The following ZNF787 variants were observed in gnomAD, a reference collection of about 807,000 sequenced individuals.
The protein encoded by ZNF787 is TTF-I-interacting peptide 20.
ZNF787 carries 7 observed loss-of-function variants against 16.9 expected under a neutral mutation model. That is an observed-to-expected ratio of 0.42 (90% CI 0.24 to 0.78). ZNF787 has a LOEUF of 0.78. Among genes scored for constraint, ZNF787 ranks in the 30% least tolerant of loss-of-function variants. The probability of loss-of-function intolerance (pLI) is 0.30; values close to 1 mark genes in which losing one functional copy is unlikely to be tolerated. For synonymous variants in ZNF787, 345 were observed against 270.9 expected, an observed-to-expected ratio of 1.27 and a Z score of -2.69; for missense variants, 551 against 589.3, an observed-to-expected ratio of 0.94 and a Z score of 0.67.
chr19:56,098,033 C>A (rs1485330894), intron 2 of ZNF787, among the ~76,000 whole-genome samples: 1 of 152,110 alleles, frequency 6.6e-6, no homozygotes, highest in Non-Finnish European at 1.5e-5. Context: ...GAGGCCCCAC[C>A]CCCGACCCAG....
intron 1 of ZNF787, among the ~76,000 whole-genome samples, chr19:56,103,787 C>T (rs1986197233): frequency 6.6e-6 from 1 of 150,848 alleles, no homozygotes; most frequent in Non-Finnish European, 1.5e-5. Context: ...CCGTGCCACG[C>T]ACCAGGAGGG....
rs893514983 is a variant in ZNF787 at position 56,113,684 on chromosome 19, G to A, written c.-11+7488C>T. The stretch of plus-strand genomic sequence containing the variant: ...AGCAGATCAGCACTTCCCAGGAACC[G>A]GGACGCAGGGAGGCAGGGAGGCAGG... On this transcript the variant is annotated intron_variant, in intron 1 of 2. Transcript: ENST00000610935. Among the ~76,000 whole-genome samples the A allele has an allele frequency of 3.1e-4, 8 of 26,014 alleles. No individual in the cohort carries two copies. In the Non-Finnish European group the frequency reaches 4.4e-3, roughly 14 times the overall value. 17.1% of individuals were successfully genotyped at this position (26,014 alleles called of 152,430 possible).
At chr19:56,103,579 G>A in intron 1 of ZNF787, 1 of 294,612 alleles carries the variant, frequency 3.4e-6, no homozygotes, top group Middle Eastern at 9.7e-4. Context: ...GCAAGATGGA[G>A]AACATGTTAC....
chr19:56,098,452 G>A (rs922124952), intron 2 of ZNF787, among the ~76,000 whole-genome samples: 4 of 150,804 alleles, frequency 2.7e-5, no homozygotes, highest in African/African-American at 7.3e-5. Flanking sequence ...AGGGTGATAC[G>A]GCCGCAGGGT....
At chr19:56,114,958 T>G (rs1043701621) in intron 1 of ZNF787, among the ~76,000 whole-genome samples, 1 of 151,846 alleles carries the variant, frequency 6.6e-6, no homozygotes, top group Non-Finnish European at 1.5e-5. Context: ...CTGTGGCCAC[T>G]TCGCTCCCTC....
chr19:56,115,176 A>G (rs2030094631), intron 1 of ZNF787, among the ~76,000 whole-genome samples: 1 of 151,858 alleles, frequency 6.6e-6, no homozygotes, highest in Admixed American at 6.6e-5. Context: ...TTCATTCTAC[A>G]GTGACTGGTC....
Position 56,087,545 on chromosome 19 carries a change from G to A in ZNF787, c.*478C>T, listed in dbSNP as rs1201270867. ...AGGCAGAAAAAAATAATGGATTGGG[G>A]CGGGCGGGGAGTCAAAAGGTGGGCT... On this transcript the variant is annotated 3_prime_UTR_variant, in exon 3 of 3. Transcript: ENST00000610935. 1 of 152,398 alleles carries A rather than the reference G, an allele frequency of 6.6e-6. No homozygotes were observed. The highest frequency in any genetic ancestry group is 1.5e-5 in the Non-Finnish European group (1 of 68,302). 9.4% of individuals were successfully genotyped at this position (152,398 alleles called of 1,614,324 possible).
intron 1 of ZNF787, among the ~76,000 whole-genome samples, chr19:56,106,398 G>A (rs1332511066): frequency 1.3e-5 from 2 of 152,218 alleles, no homozygotes; most frequent in Non-Finnish European, 2.9e-5. Context: ...CTTCAACGCC[G>A]CGTCCATCCA....
intron 1 of ZNF787, among the ~76,000 whole-genome samples, chr19:56,116,982 G>T (rs1002372864): frequency 6.6e-6 from 1 of 152,172 alleles, no homozygotes; most frequent in Non-Finnish European, 1.5e-5. Flanking sequence ...ACAATCAGTG[G>T]GAGACAGTGC....
intron 1 of ZNF787, among the ~76,000 whole-genome samples, chr19:56,105,951 C>T (rs868518034): frequency 1.6e-5 from 2 of 121,566 alleles, no homozygotes; most frequent in East Asian, 2.9e-4. Flanking sequence ...CGCGCATTCC[C>T]CCCTCCGCGC....
At chr19:56,099,660 G>A (rs1452493427) in intron 2 of ZNF787, among the ~76,000 whole-genome samples, 6 of 143,900 alleles carry the variant, frequency 4.2e-5, no homozygotes, top group East Asian at 4.0e-4. Context: ...GCAGTGAGCC[G>A]AGATCGTACC....
intron 2 of ZNF787, 47 bp downstream of exon 2, chr19:56,103,092 C>T (rs373957550): frequency 2.4e-5 from 39 of 1,596,412 alleles, no homozygotes; most frequent in Non-Finnish European, 3.3e-5. Flanking sequence ...AAGCCAGGGT[C>T]AGGTGGGAGG....
chr19:56,117,215 G>A (rs1476758208), intron 1 of ZNF787, among the ~76,000 whole-genome samples: 1 of 152,238 alleles, frequency 6.6e-6, no homozygotes, highest in East Asian at 1.9e-4. Context: ...CAAGGAAACT[G>A]AGGCTTCCAC....
intron 1 of ZNF787, among the ~76,000 whole-genome samples, chr19:56,104,928 A>G (rs1263301374): frequency 6.6e-6 from 1 of 152,210 alleles, no homozygotes; most frequent in Non-Finnish European, 1.5e-5. Context: ...CTGGAGTTCG[A>G]GACCAGCCTG....
intron 2 of ZNF787, among the ~76,000 whole-genome samples, chr19:56,090,153 C>T (rs1430262031): frequency 6.6e-6 from 1 of 152,182 alleles, no homozygotes; most frequent in Admixed American, 6.5e-5. Flanking sequence ...CACGGTGGTG[C>T]CCAGCACACA....
At position 56,088,003 on chromosome 19, in the gene ZNF787, CCCCCCCCCGGG is replaced by C; in HGVS notation, c.*9_*19del. 1 of 988,976 alleles carries C rather than the reference CCCCCCCCCGGG, an allele frequency of 1.0e-6. No homozygotes were observed. The highest frequency in any genetic ancestry group is 1.2e-6 in the Non-Finnish European group (1 of 830,414). 61.3% of individuals were successfully genotyped at this position (988,976 alleles called of 1,614,324 possible). A position where few individuals can be genotyped will look rare whatever the true frequency, so the allele number is the denominator to read the frequency against. On this transcript the variant is annotated 3_prime_UTR_variant, in exon 3 of 3. Transcript: ENST00000610935. This position sits in a 1 kb window ranked among gnomAD's most constrained non-coding sequence, Gnocchi z 8.6. ...CCAAGCCCGAGGGGCCCTGCCCGCC[CCCCCCCCCGGG>C]CCCCTCCCCTACCGGCCCTCCCCAC...
intron 1 of ZNF787, among the ~76,000 whole-genome samples, chr19:56,111,696 T>C (rs978990978): frequency 1.3e-5 from 2 of 151,876 alleles, no homozygotes; most frequent in Non-Finnish European, 2.9e-5. Context: ...CCCACACTGC[T>C]CTGCATCCCA....
chr19:56,087,908 ATGCCGCGGG>A lies in ZNF787; in HGVS notation c.*106_*114del. ...GACAGAGGAGGGCGGGGAGCCGGGG[ATGCCGCGGG>A]GTCCATCGCACCCCGTCCGCTTCTC... On this transcript the variant is annotated 3_prime_UTR_variant, in exon 3 of 3. Coordinates refer to ENST00000610935, the MANE Select transcript of ZNF787 (RefSeq NM_001002836.4). 2 of 1,272,370 alleles carry A rather than the reference ATGCCGCGGG, an allele frequency of 1.6e-6. No homozygotes were observed. The highest frequency in any genetic ancestry group is 2.0e-6 in the Non-Finnish European group (2 of 1,009,348). 78.8% of individuals were successfully genotyped at this position (1,272,370 alleles called of 1,614,324 possible).
chr19:56,099,088 T>A (rs1985992873), intron 2 of ZNF787, among the ~76,000 whole-genome samples: 1 of 152,090 alleles, frequency 6.6e-6, no homozygotes, highest in Non-Finnish European at 1.5e-5. Flanking sequence ...CCCGAGAACA[T>A]ATCAAGTCCT....
Sources: gnomAD v4.1 joint callset for allele counts (sites outside exome capture counted in the v4.1 genomes callset) on GRCh38, gnomAD v4.1.1 for gene constraint, Gnocchi (gnomAD v3.1) non-coding constraint, MANE v1.5 for transcripts, NCBI Gene and HGNC (gene_info 2026-07-23, HGNC 2026-07-21) for gene names.